The following MTSS2 variants were observed in gnomAD, a reference collection of about 807,000 sequenced individuals.
MTSS2 encodes the protein protein MTSS 2.
In MTSS2, 27 loss-of-function variants were observed where a neutral mutation model predicts 67.1. That is an observed-to-expected ratio of 0.40 (90% CI 0.30 to 0.55). The LOEUF is 0.55. MTSS2 is among the 20% of genes least tolerant of loss of function. MTSS2 has a pLI of 0.43. For missense variants in MTSS2, 1,171 were observed against 1,067.8 expected (o/e 1.10, Z -1.35); for synonymous variants, 624 against 468.6 (o/e 1.33, Z -4.28).
chr16:70,683,111 G>A (rs928079358), intron 1 of MTSS2, among the ~76,000 whole-genome samples: 14 of 152,182 alleles, frequency 9.2e-5, no homozygotes, highest in African/African-American at 1.9e-4. Context: ...CATTAGAGGC[G>A]CCCAAGTGGA....
chr16:70,670,497 C>G (rs1426404227), intron 11 of MTSS2, among the ~76,000 whole-genome samples: 2 of 152,142 alleles, frequency 1.3e-5, no homozygotes, highest in African/African-American at 4.8e-5. Flanking sequence ...AAACTGGAAA[C>G]TATGCAAATG....
rs368538906 is a variant in MTSS2 at position 70,664,269 on chromosome 16, G to A, written c.1652C>T (p.Thr551Ile). Residue 551 changes from threonine (T) to isoleucine (I), a missense_variant, in exon 15 of 15, where the codon ACT becomes ATT. Physicochemically the swap from Thr to Ile is moderately conservative, Grantham distance 89. This residue lies in a region of MTSS2 where 924 missense variants were observed against 756.0 expected (regional missense o/e 1.22). Coordinates refer to ENST00000338779, the MANE Select transcript of MTSS2 (RefSeq NM_138383.3). The stretch of plus-strand genomic sequence containing the variant: ...GGGGGGTGCGCCCGAGGGCAGGCCA[G>A]TGGCCGTGGGCAGCCCCGCGGTGGG... ...GLPTAGLPTATGLPSGAPPGV... is the reference protein window; with the variant it reads ...GLPTAGLPTAIGLPSGAPPGV... 3 of 1,558,220 alleles carry A rather than the reference G, an allele frequency of 1.9e-6. No homozygotes were observed. Among genetic ancestry groups the A allele is most frequent in the East Asian group, 4.5e-5 (2 of 44,422 alleles).
intron 9 of MTSS2, among the ~76,000 whole-genome samples, chr16:70,677,504 G>C (rs998880837): frequency 1.3e-5 from 2 of 152,156 alleles, no homozygotes; most frequent in Admixed American, 6.5e-5. Context: ...TTCGGCAGGA[G>C]GTCTGCCCAC....
chr16:70,682,662 C>G (rs188123017), intron 1 of MTSS2, among the ~76,000 whole-genome samples: 1 of 138,096 alleles, frequency 7.2e-6, no homozygotes, highest in African/African-American at 2.6e-5. Flanking sequence ...CCCCTCCCCA[C>G]GGTAACCACA....
intron 11 of MTSS2, among the ~76,000 whole-genome samples, chr16:70,667,475 AC>A (rs1352313659): frequency 4.6e-5 from 7 of 152,176 alleles, no homozygotes; most frequent in Non-Finnish European, 8.8e-5. Context: ...AAACAAAAAA[AC>A]AAAACCACCC....
chr16:70,663,050 T>A lies in MTSS2; in HGVS notation c.*627A>T, dbSNP rs1024949233. ...CCCCCCCCCCCAAGCAGCCCCTGGT[T>A]TCCTCCCTGAGACTTGGCGTGGGCC... On this transcript the variant is annotated 3_prime_UTR_variant, in exon 15 of 15. Coordinates refer to ENST00000338779, the MANE Select transcript of MTSS2 (RefSeq NM_138383.3). 3 of 149,520 alleles carry A rather than the reference T, an allele frequency of 2.0e-5. No individual in the cohort carries two copies. Among genetic ancestry groups the A allele is most frequent in the Admixed American group, 6.6e-5 (1 of 15,094 alleles). 9.3% of individuals were successfully genotyped at this position (149,520 alleles called of 1,614,324 possible).
At chr16:70,675,696 G>A (rs1201326268) in intron 10 of MTSS2, among the ~76,000 whole-genome samples, 8 of 152,188 alleles carry the variant, frequency 5.3e-5, no homozygotes, top group African/African-American at 1.9e-4. Context: ...GATTACAGGC[G>A]TGAACGACTG....
At chr16:70,667,256 G>A (rs558940750) in intron 11 of MTSS2, among the ~76,000 whole-genome samples, 19 of 123,144 alleles carry the variant, frequency 1.5e-4, no homozygotes, top group East Asian at 7.2e-4. Context: ...TCCAGTGTGC[G>A]TGACAGAGCA....
rs757191136 is a variant in MTSS2 at position 70,685,688 on chromosome 16, TCGCCGCGCGCCCGGCCC to T, written c.69+18_69+34del. The T allele has an allele frequency of 7.2e-6, 9 of 1,241,988 alleles. No homozygotes were observed. Among genetic ancestry groups the T allele is most frequent in the African/African-American group, 3.2e-5 (2 of 63,038 alleles). The allele number at this position is 1,241,988 out of a possible 1,614,324, so 76.9% of individuals were successfully genotyped here. On this transcript the variant is annotated intron_variant, in intron 1 of 14. Coordinates refer to ENST00000338779, the MANE Select transcript of MTSS2 (RefSeq NM_138383.3). Reference sequence around the variant, plus strand: ...GCGTCCCCGGGGGGTCCCGCACCCGTCGCCGCGCGCCCGGCCCCGCCGCGCCCCGGTTACCTTCATGT... The same window carrying T: ...GCGTCCCCGGGGGGTCCCGCACCCGTCGCCGCGCCCCGGTTACCTTCATGT...
At position 70,678,710 on chromosome 16, in the gene MTSS2, G is replaced by A. The variant is rs186557395; in HGVS notation, c.467-301C>T. On this transcript the variant is annotated intron_variant, in intron 7 of 14. Coordinates refer to ENST00000338779, the MANE Select transcript of MTSS2 (RefSeq NM_138383.3). ...AGGAGCTCTGCCAACACGGAGACTC[G>A]CTGGCCTCCACCTGGGGTACCCTCA... Among the ~76,000 whole-genome samples the A allele has an allele frequency of 5.7e-3, 862 of 152,352 alleles. 4 individuals are homozygous for A. Among genetic ancestry groups the A allele is most frequent in the Non-Finnish European group, 9.8e-3 (669 of 68,032 alleles).
intron 11 of MTSS2, among the ~76,000 whole-genome samples, chr16:70,666,496 C>T (rs1344863370): frequency 6.6e-6 from 1 of 152,236 alleles, no homozygotes; most frequent in Non-Finnish European, 1.5e-5. Flanking sequence ...AGCTTCAGCA[C>T]AGCAGTGGGG....
intron 11 of MTSS2, among the ~76,000 whole-genome samples, chr16:70,668,671 G>C (rs2052811696): frequency 6.6e-6 from 1 of 152,210 alleles, no homozygotes; most frequent in African/African-American, 2.4e-5. Flanking sequence ...GAGGTGATTA[G>C]ATCATTAGGG....
At position 70,665,494 on chromosome 16, in the gene MTSS2, G is replaced by T. The variant is rs1348498322; in HGVS notation, c.1100C>A (p.Ser367Tyr). 3 of 1,554,474 alleles carry T rather than the reference G, an allele frequency of 1.9e-6. No homozygotes were observed. The highest frequency in any genetic ancestry group is 2.6e-6 in the Non-Finnish European group (3 of 1,150,208). Reference sequence around the variant, plus strand: ...GGTGGGGGAGCTGCACTCGCTAACGGACTGGCAGGTTTCCGAGGCCTCGGA... The same window carrying T: ...GGTGGGGGAGCTGCACTCGCTAACGTACTGGCAGGTTTCCGAGGCCTCGGA... ...ASSEASETCQ[S>Y]VSECSSPTSD... Residue 367 changes from serine to tyrosine, a missense_variant, in exon 12 of 15, where the codon TCC (serine) becomes TAC (tyrosine). Around this residue, in one of 2 missense-constraint regions of MTSS2, gnomAD observed 924 missense variants for 756.0 expected, o/e 1.22. Transcript: ENST00000338779.
chr16:70,684,308 A>T (rs1320010283), intron 1 of MTSS2, among the ~76,000 whole-genome samples: 1 of 145,870 alleles, frequency 6.9e-6, no homozygotes, highest in Non-Finnish European at 1.5e-5. Flanking sequence ...GCTGGGGGCC[A>T]GCGGAGGGGC....
intron 11 of MTSS2, among the ~76,000 whole-genome samples, chr16:70,669,818 T>TAAAA (rs3058050): frequency 0.58 from 84,727 of 145,356 alleles, 24,325 homozygotes; most frequent in Non-Finnish European, 0.63. Context: ...CTCTGTCTCA[T>TAAAA]AAAAAAAAAA....
chr16:70,676,633 T>G (rs1377365065), intron 10 of MTSS2, among the ~76,000 whole-genome samples: 2 of 152,210 alleles, frequency 1.3e-5, no homozygotes, highest in Non-Finnish European at 2.9e-5. Context: ...ACCTGGCACA[T>G]AGTGGATGCT....
intron 11 of MTSS2, among the ~76,000 whole-genome samples, chr16:70,667,317 A>G (rs2052753358): frequency 8.6e-6 from 1 of 115,984 alleles, no homozygotes; most frequent in Non-Finnish European, 1.7e-5. Flanking sequence ...TTTACAAGTA[A>G]CATAATAGTA....
rs1555507683 is a variant in MTSS2, at chr16:70,663,034, C to CCCA, written c.*642_*643insTGG. On this transcript the variant is annotated 3_prime_UTR_variant, in exon 15 of 15. Transcript: ENST00000338779. ...CACAGGGCCCCCAAGACCCCCCCCC[C>CCCA]CAAGCAGCCCCTGGTTTCCTCCCTG... 6.6e-6 allele frequency: 1 copy of CCCA among 152,298 alleles called. No individual in the cohort carries two copies. Among genetic ancestry groups the CCCA allele is most frequent in the Non-Finnish European group, 1.5e-5 (1 of 68,292 alleles). 9.4% of individuals were successfully genotyped at this position (152,298 alleles called of 1,614,324 possible).
chr16:70,680,908 CGGGG>C, intron 2 of MTSS2, 41 bp from the exon 3 acceptor site: 1 of 1,174,314 alleles, frequency 8.5e-7, no homozygotes, highest in Non-Finnish European at 1.2e-6. Context: ...GGTGGTTGGG[CGGGG>C]GGGGGGCCTC....
Sources: gnomAD v4.1 joint callset for allele counts (sites outside exome capture counted in the v4.1 genomes callset) on GRCh38, gnomAD v4.1.1 for gene constraint, gnomAD v4.1.1 regional missense constraint, MANE v1.5 for transcripts, NCBI Gene and HGNC (gene_info 2026-07-23, HGNC 2026-07-21) for gene names.